MEPE: variants seen among roughly 807,000 people sequenced by gnomAD.
MEPE encodes matrix, extracellular phosphoglycoprotein with ASARM motif (bone).
A neutral mutation model predicts 7.3 loss-of-function variants in MEPE; 7 were observed. The ratio of observed to expected loss-of-function variants is 0.95; its 90% CI spans 0.54 to 1.79. The LOEUF (loss-of-function observed/expected upper bound fraction) is 1.79. Among genes scored for constraint, MEPE ranks in the 40% most tolerant of loss-of-function variants. The pLI, the probability that MEPE is intolerant of heterozygous loss-of-function variation, is 0.00. For missense variants in MEPE, 623 were observed against 628.2 expected (o/e 0.99, Z 0.09); for synonymous variants, 214 against 213.1 (o/e 1.00, Z -0.04).
chr4:87,835,184 A>T (rs895378894), intron 2 of MEPE, among the ~76,000 whole-genome samples: 1 of 152,228 alleles, frequency 6.6e-6, no homozygotes, highest in Non-Finnish European at 1.5e-5. Flanking sequence ...ATAGATAAAA[A>T]TGCAAAGAGA....
intron 1 of MEPE, among the ~76,000 whole-genome samples, chr4:87,833,273 C>T (rs2109994572): frequency 6.6e-6 from 1 of 152,226 alleles, no homozygotes; most frequent in East Asian, 1.9e-4. Flanking sequence ...TCCACAGTAA[C>T]TCAGACTTCA....
chr4:87,836,221 T>C (rs2109999291), intron 2 of MEPE, among the ~76,000 whole-genome samples: 1 of 152,266 alleles, frequency 6.6e-6, no homozygotes, highest in South Asian at 2.1e-4. Flanking sequence ...ACTCAGCCAC[T>C]TGCATACGTC....
intron 1 of MEPE, among the ~76,000 whole-genome samples, chr4:87,833,831 A>T (rs1375931128): frequency 6.6e-6 from 1 of 152,206 alleles, no homozygotes. Context: ...AATATAAAAT[A>T]TGATTTGCCT....
intron 1 of MEPE, among the ~76,000 whole-genome samples, chr4:87,834,070 G>A (rs1722686214): frequency 6.6e-6 from 1 of 152,170 alleles, no homozygotes; most frequent in Non-Finnish European, 1.5e-5. Context: ...AACTTGTAGG[G>A]TTGTTGTGAG....
At chr4:87,843,000 T>C (rs923059572) in intron 3 of MEPE, among the ~76,000 whole-genome samples, 4 of 152,190 alleles carry the variant, frequency 2.6e-5, no homozygotes, top group South Asian at 4.1e-4. Context: ...CATCAATATG[T>C]CTAACATTAA....
chr4:87,839,556 T>C (rs1243642144), intron 3 of MEPE: 12 of 654,372 alleles, frequency 1.8e-5, no homozygotes, highest in African/African-American at 5.5e-5. Flanking sequence ...TTATAAGAAG[T>C]ACTACCATTT....
chr4:87,834,446 A>G (rs1037669025), intron 1 of MEPE, among the ~76,000 whole-genome samples: 1 of 152,234 alleles, frequency 6.6e-6, no homozygotes, highest in African/African-American at 2.4e-5. Context: ...ATATATTTCT[A>G]TCAACTGACT....
intron 3 of MEPE, chr4:87,840,012 C>G: frequency 6.5e-7 from 1 of 1,535,512 alleles, no homozygotes; most frequent in East Asian, 2.4e-5. Context: ...TCTCGCTCTG[C>G]TTCAGGACCT....
chr4:87,839,523 G>T (rs1722928848), intron 3 of MEPE, among the ~76,000 whole-genome samples: 1 of 152,062 alleles, frequency 6.6e-6, no homozygotes, highest in African/African-American at 2.4e-5. Context: ...TTCGGGAGCC[G>T]GCTGACACAC....
chr4:87,840,505 A>G (rs1722974065), intron 3 of MEPE, among the ~76,000 whole-genome samples: 2 of 152,218 alleles, frequency 1.3e-5, no homozygotes, highest in Admixed American at 6.5e-5. Flanking sequence ...CTAACTATAA[A>G]TAAGTTAAAA....
intron 3 of MEPE, among the ~76,000 whole-genome samples, chr4:87,839,062 G>T (rs533131547): frequency 6.5e-4 from 99 of 152,282 alleles, no homozygotes; most frequent in African/African-American, 2.4e-3. Flanking sequence ...AAATAAGGGA[G>T]TAAAGGGGAA....
rs1253551606 is a variant in MEPE, at chr4:87,845,506, C to T, written c.638C>T (p.Thr213Ile). ...AAAAGTCCAGTAAAAAGCAAAAGCA[C>T]CCATCGTATTCAACACAACATTGAC... is the stretch of plus-strand genomic sequence containing the variant. ...AQKSPVKSKS[T>I]HRIQHNIDYL... The change falls in exon 4 of 4, where the codon ACC becomes ATC. Residue 213 changes from threonine to isoleucine, a missense_variant. Thr to Ile is a moderately conservative substitution (Grantham distance 89). Transcript: ENST00000361056. 1 of 1,613,384 alleles carries T rather than the reference C, an allele frequency of 6.2e-7. No homozygotes were observed. The highest frequency in any genetic ancestry group is 8.5e-7 in the Non-Finnish European group (1 of 1,179,860).
At chr4:87,836,030 G>T (rs1487831885) in intron 2 of MEPE, among the ~76,000 whole-genome samples, 2 of 151,944 alleles carry the variant, frequency 1.3e-5, no homozygotes, top group Admixed American at 1.3e-4. Flanking sequence ...CTGCTTGGGG[G>T]TATAGAGGGG....
intron 3 of MEPE, 86 bp from the exon 4 acceptor site, chr4:87,844,891 T>G: frequency 1.0e-6 from 1 of 1,001,408 alleles, no homozygotes; most frequent in Non-Finnish European, 1.4e-6. Flanking sequence ...AAATATCTGG[T>G]GGATGGTTTT....
intron 3 of MEPE, among the ~76,000 whole-genome samples, chr4:87,843,722 A>T (rs890706973): frequency 6.6e-6 from 1 of 152,202 alleles, no homozygotes; most frequent in Non-Finnish European, 1.5e-5. Context: ...AATAGCTAAA[A>T]TAGTTATTTA....
chr4:87,831,363 A>C (rs1180163438), upstream of MEPE, among the ~76,000 whole-genome samples: 1 of 152,206 alleles, frequency 6.6e-6, no homozygotes, highest in Non-Finnish European at 1.5e-5. Context: ...TTCCAATATG[A>C]AGAAAAAATC....
At chr4:87,825,905 T>G (rs1722451995) in intron 1 of MEPE, among the ~76,000 whole-genome samples, 1 of 152,188 alleles carries the variant, frequency 6.6e-6, no homozygotes, top group South Asian at 2.1e-4. Flanking sequence ...TTCTCATTAT[T>G]CAACTCCCAC....
upstream of MEPE, among the ~76,000 whole-genome samples, chr4:87,832,176 A>G (rs1182488946): frequency 1.3e-5 from 2 of 152,036 alleles, no homozygotes; most frequent in Non-Finnish European, 2.9e-5. Context: ...CATTAATCCC[A>G]TTCATACTGG....
upstream of MEPE, among the ~76,000 whole-genome samples, chr4:87,829,368 T>C: frequency 7.0e-6 from 1 of 142,078 alleles, no homozygotes; most frequent in South Asian, 2.2e-4. Context: ...AGTTTTTTTC[T>C]CTTAAAACTC....
Sources: allele counts gnomAD v4.1 joint callset (sites outside exome capture counted in the v4.1 genomes callset), GRCh38; gene constraint gnomAD v4.1.1; transcripts MANE v1.5; gene names NCBI Gene and HGNC (gene_info 2026-07-23, HGNC 2026-07-21).